The following SLC26A11 variants were observed in gnomAD, a reference collection of about 807,000 sequenced individuals.
SLC26A11 encodes sodium-independent sulfate anion transporter.
In SLC26A11, 58 loss-of-function variants were observed where a neutral mutation model predicts 62.2. The observed-to-expected ratio is 0.93, with a 90% confidence interval of 0.76 to 1.16. SLC26A11 has a LOEUF of 1.16. Among genes scored for constraint, SLC26A11 ranks in the 50% most tolerant of loss-of-function variants. The pLI is 0.00. For missense variants in SLC26A11, 790 were observed against 794.3 expected (o/e 0.99, Z 0.06); for synonymous variants, 411 against 368.9 (o/e 1.11, Z -1.31).
In SLC26A11 at chr17:80,223,851, C is replaced by G. The variant is rs776793560; in HGVS notation, c.513+514C>G. On this transcript the variant is annotated intron_variant, in intron 5 of 17. Transcript: ENST00000361193. The surrounding 1 kb of genome is among the most constrained non-coding windows in gnomAD (Gnocchi z 4.6). ...AAACATTTATAATAAGTACTAAAAT[C>G]AGTCATCAGCTGAGGGTGTAATTTA... Among the ~76,000 whole-genome samples the G allele has an allele frequency of 6.6e-6, 1 of 152,102 alleles. No individual in the cohort carries two copies. Among genetic ancestry groups the G allele is most frequent in the Admixed American group, 6.5e-5 (1 of 15,280 alleles).
At chr17:80,239,019 G>T (rs567219865) in intron 9 of SLC26A11, among the ~76,000 whole-genome samples, 5 of 150,990 alleles carry the variant, frequency 3.3e-5, no homozygotes, top group African/African-American at 1.2e-4. Flanking sequence ...TAGAGACAGG[G>T]TCTCACTATG....
chr17:80,248,762 C>T, intron 15 of SLC26A11, 88 bp downstream of exon 15: 1 of 1,282,678 alleles, frequency 7.8e-7, no homozygotes, highest in Non-Finnish European at 1.1e-6. Flanking sequence ...AAGACCCTGT[C>T]CCCAACGCTC....
intron 10 of SLC26A11, among the ~76,000 whole-genome samples, chr17:80,242,587 C>T (rs183773177): frequency 8.3e-4 from 126 of 152,344 alleles, no homozygotes; most frequent in Admixed American, 1.2e-3. Flanking sequence ...TTCATGAAGA[C>T]TCGGGGGCCC....
chr17:80,247,236 C>T (rs941284175), intron 13 of SLC26A11, among the ~76,000 whole-genome samples: 3 of 152,040 alleles, frequency 2.0e-5, no homozygotes, highest in African/African-American at 4.8e-5. Context: ...TCTCCCATGT[C>T]TACTTCTTTC....
At chr17:80,230,066 G>A (rs544137070) in intron 7 of SLC26A11, among the ~76,000 whole-genome samples, 2 of 152,112 alleles carry the variant, frequency 1.3e-5, no homozygotes, top group African/African-American at 4.8e-5. Context: ...GTGGTGGTGT[G>A]TGCCTGTGAT....
intron 13 of SLC26A11, among the ~76,000 whole-genome samples, chr17:80,247,233 T>C (rs909208563): frequency 3.9e-5 from 6 of 152,166 alleles, no homozygotes; most frequent in East Asian, 3.9e-4. Context: ...AAGTCTCCCA[T>C]GTCTACTTCT....
At chr17:80,251,930 C>T (rs2043168453) in intron 17 of SLC26A11, among the ~76,000 whole-genome samples, 1 of 152,072 alleles carries the variant, frequency 6.6e-6, no homozygotes, top group Non-Finnish European at 1.5e-5. Context: ...TGCTCTGGAA[C>T]CCACATTTTT....
chr17:80,222,768 C>G lies in SLC26A11; in HGVS notation c.348C>G (p.Thr116=). ...TGTCCCTCCTGGTCTCCTTCTACAC[C>G]TTCCATGAGCCCGCCTACGCTGTGC... The part of the protein sequence containing the change: ...AIMSLLVSFY[T]FHEPAYAVLL... Residue 116 remains threonine, a synonymous_variant, in exon 4 of 18, where the codon ACC becomes ACG. Coordinates refer to ENST00000361193, the MANE Select transcript of SLC26A11 (RefSeq NM_001166347.2). This position sits in a 1 kb window ranked among gnomAD's most constrained non-coding sequence, Gnocchi z 4.7. 6.2e-7 allele frequency: 1 copy of G among 1,614,224 alleles called. No individual in the cohort carries two copies. Among genetic ancestry groups the G allele is most frequent in the South Asian group, 1.1e-5 (1 of 91,084 alleles).
chr17:80,247,123 G>A (rs967489569), intron 13 of SLC26A11, among the ~76,000 whole-genome samples: 2 of 151,998 alleles, frequency 1.3e-5, no homozygotes, highest in East Asian at 3.9e-4. Flanking sequence ...TTGCAGAGGG[G>A]GATTTGGCAG....
At chr17:80,242,750 C>T (rs2042897650) in intron 10 of SLC26A11, among the ~76,000 whole-genome samples, 2 of 152,162 alleles carry the variant, frequency 1.3e-5, no homozygotes, top group African/African-American at 4.8e-5. Flanking sequence ...GCTTTGTCAC[C>T]CAGGCTAGAG....
intron 15 of SLC26A11, 64 bp downstream of exon 15, chr17:80,248,738 C>A: frequency 6.9e-7 from 1 of 1,446,678 alleles, no homozygotes; most frequent in Non-Finnish European, 9.5e-7. Context: ...CCACTCCCTG[C>A]TGTTCAGGAC....
chr17:80,240,071 A>C (rs2042815683), intron 9 of SLC26A11, among the ~76,000 whole-genome samples: 1 of 152,130 alleles, frequency 6.6e-6, no homozygotes, highest in Admixed American at 6.6e-5. Flanking sequence ...CTTTATAGAA[A>C]AGCTTGCCAA....
intron 8 of SLC26A11, 91 bp from the exon 9 acceptor site, chr17:80,237,431 T>A: frequency 1.7e-6 from 2 of 1,206,654 alleles, no homozygotes; most frequent in Non-Finnish European, 2.3e-6. Flanking sequence ...CTGTTACCTG[T>A]GGGGCGGGGT....
At position 80,246,183 on chromosome 17, in the gene SLC26A11, G is replaced by A. The variant is rs779006768; in HGVS notation, c.1127G>A (p.Cys376Tyr). 3 of 1,612,700 alleles carry A rather than the reference G, an allele frequency of 1.9e-6. No individual in the cohort carries two copies. The highest frequency in any genetic ancestry group is 4.5e-5 in the East Asian group (2 of 44,870). Residue 376 changes from cysteine to tyrosine, a missense_variant, in exon 12 of 18, where the codon TGC becomes TAC. Physicochemically the swap from Cys to Tyr is radical, Grantham distance 194. Coordinates refer to ENST00000361193, the MANE Select transcript of SLC26A11 (RefSeq NM_001166347.2). This position sits in a 1 kb window ranked among gnomAD's most constrained non-coding sequence, Gnocchi z 4.4. ...RTAVNAQSGV[C>Y]TPAGGLVTGV... ...GCCGTGAACGCTCAGTCGGGGGTGT[G>A]CACCCCGGCGGGGGGCCTGGTGACG...
Position 80,221,790 on chromosome 17 carries a change from C to T in SLC26A11, c.230C>T (p.Pro77Leu), listed in dbSNP as rs368571336. The T allele has an allele frequency of 9.5e-5, 153 of 1,609,556 alleles. No individual in the cohort carries two copies. Among genetic ancestry groups the T allele is most frequent in the Non-Finnish European group, 1.2e-4 (141 of 1,179,522 alleles). ...TATGCTGAAGTGGCTGGACTCCCGC[C>T]CCAGGTGAGGCGTCTGACCCTGCTG... ...LAYAEVAGLP[P>L]QYGLYSAFMG... Residue 77 changes from proline (P) to leucine (L), a missense_variant, in exon 3 of 18, where the codon CCC becomes CTC. Coordinates refer to ENST00000361193, the MANE Select transcript of SLC26A11 (RefSeq NM_001166347.2).
At position 80,246,777 on chromosome 17, in the gene SLC26A11, G is replaced by A. The variant is rs928656469; in HGVS notation, c.1294+128G>A. 1.6e-5 allele frequency: 20 copies of A among 1,263,238 alleles called. No homozygotes were observed. Among genetic ancestry groups the A allele is most frequent in the Admixed American group, 1.6e-4 (7 of 44,408 alleles). The allele number at this position is 1,263,238 out of a possible 1,614,324, so 78.3% of individuals were successfully genotyped here. A position where few individuals can be genotyped will look rare whatever the true frequency, so the allele number is the denominator to read the frequency against. On this transcript the variant is annotated intron_variant, in intron 13 of 17. Coordinates refer to ENST00000361193, the MANE Select transcript of SLC26A11 (RefSeq NM_001166347.2). The surrounding 1 kb of genome is among the most constrained non-coding windows in gnomAD (Gnocchi z 4.4). Reference sequence around the variant, plus strand: ...GGGACTGGGAAGTTAGGGCAGTCCCGGAACAGAGAAGTGGATGGCCAGGAG... The same window carrying A: ...GGGACTGGGAAGTTAGGGCAGTCCCAGAACAGAGAAGTGGATGGCCAGGAG...
intron 10 of SLC26A11, among the ~76,000 whole-genome samples, chr17:80,244,747 C>T (rs1296118351): frequency 1.3e-5 from 2 of 151,892 alleles, no homozygotes; most frequent in African/African-American, 2.4e-5. Flanking sequence ...GAGGTCGAAG[C>T]GGGTGGATCA....
chr17:80,248,425 G>A (rs757718457), intron 14 of SLC26A11, 150 bp from the exon 15 acceptor site: 113 of 1,233,458 alleles, frequency 9.2e-5, no homozygotes, highest in Non-Finnish European at 1.2e-4. Context: ...TTCTCCCACT[G>A]TGTGGGGGCC....
chr17:80,224,490 A>G (rs997029287), intron 5 of SLC26A11, among the ~76,000 whole-genome samples: 1 of 151,900 alleles, frequency 6.6e-6, no homozygotes, highest in Non-Finnish European at 1.5e-5. Context: ...AATAAAGTAG[A>G]CACTTTTTGC....
Sources: gnomAD v4.1 joint callset for allele counts (sites outside exome capture counted in the v4.1 genomes callset) on GRCh38, gnomAD v4.1.1 for gene constraint, Gnocchi (gnomAD v3.1) non-coding constraint, MANE v1.5 for transcripts, NCBI Gene and HGNC (gene_info 2026-07-23, HGNC 2026-07-21) for gene names.